Variants in DPF3 observed in about 807,000 individuals in gnomAD.
DPF3 encodes double PHD fingers 3.
DPF3 carries 18 observed loss-of-function variants against 56.8 expected under a neutral mutation model. The observed-to-expected ratio is 0.32, with a 90% CI of 0.22 to 0.47. The LOEUF (loss-of-function observed/expected upper bound fraction) is 0.47, where lower values mean the gene tolerates loss of function less well. DPF3 is among the 20% of genes least tolerant of loss of function. DPF3 has a pLI of 1.00. For missense variants in DPF3, 403 were observed against 488.8 expected (o/e 0.82, Z 1.65); for synonymous variants, 188 against 180.2 (o/e 1.04, Z -0.35).
Position 72,609,263 on chromosome 14 carries a change from A to G in DPF3, c.*10034T>C, listed in dbSNP as rs1883586709. ...CCCCACATTCTTCATCTCATCAGCG[A>G]CAGGTCTCCCTCCCAGAACCCCATC... is the stretch of plus-strand genomic sequence containing the variant. On this transcript the variant is annotated 3_prime_UTR_variant, in exon 11 of 11. Coordinates refer to ENST00000556509, the MANE Select transcript of DPF3 (RefSeq NM_001280542.3). Among the ~76,000 whole-genome samples the G allele has an allele frequency of 6.6e-6, 1 of 152,152 alleles. No individual in the cohort carries two copies. Among genetic ancestry groups the G allele is most frequent in the African/African-American group, 2.4e-5 (1 of 41,436 alleles).
At chr14:72,893,384 C>T (rs972846663) in intron 1 of DPF3, among the ~76,000 whole-genome samples, 1 of 152,192 alleles carries the variant, frequency 6.6e-6, no homozygotes, top group Non-Finnish European at 1.5e-5. Flanking sequence ...CGCTCGATCG[C>T]CCGGAGCGCC....
intron 1 of DPF3, among the ~76,000 whole-genome samples, chr14:72,781,451 G>A (rs555489527): frequency 6.6e-6 from 1 of 152,312 alleles, no homozygotes; most frequent in African/African-American, 2.4e-5. Context: ...TGACTTCGAT[G>A]TGGCTCAGTC....
intron 6 of DPF3, among the ~76,000 whole-genome samples, chr14:72,700,594 T>C (rs188412229): frequency 3.9e-5 from 6 of 152,310 alleles, no homozygotes; most frequent in Admixed American, 3.9e-4. Context: ...TCAGTAGTCA[T>C]CATCTCAGTG....
At position 72,819,835 on chromosome 14, in the gene DPF3, G is replaced by A. The variant is rs536415496; in HGVS notation, c.33-47942C>T. Among the ~76,000 whole-genome samples the A allele has an allele frequency of 2.0e-4, 30 of 152,340 alleles. No homozygotes were observed. In the East Asian group the frequency reaches 5.2e-3, roughly 26 times the overall value. ...TACCTGTGGTCCCAGCTACTAGGGAGACTGAGGTGGGAGGATCACTTGAGC... is the reference window on the plus strand; with the variant it reads ...TACCTGTGGTCCCAGCTACTAGGGAAACTGAGGTGGGAGGATCACTTGAGC... On this transcript the variant is annotated intron_variant, in intron 1 of 10. Coordinates refer to ENST00000556509, the MANE Select transcript of DPF3 (RefSeq NM_001280542.3).
intron 1 of DPF3, among the ~76,000 whole-genome samples, chr14:72,774,262 TAAAAAAAA>T (rs777564213): frequency 4.9e-5 from 3 of 61,008 alleles, no homozygotes; most frequent in South Asian, 7.9e-4. Flanking sequence ...AGACTCTGTC[TAAAAAAAA>T]AAAAAAAAAA....
At chr14:72,800,754 G>A (rs200255786) in intron 1 of DPF3, among the ~76,000 whole-genome samples, 1 of 16,952 alleles carries the variant, frequency 5.9e-5, no homozygotes, top group Non-Finnish European at 1.2e-4. Context: ...GCATGGATGG[G>A]TGCATGGGTG....
intron 6 of DPF3, among the ~76,000 whole-genome samples, chr14:72,713,321 C>T (rs1265174183): frequency 6.6e-6 from 1 of 152,230 alleles, no homozygotes; most frequent in Non-Finnish European, 1.5e-5. Flanking sequence ...AGCTGTCACC[C>T]CATTGGACAC....
chr14:72,812,946 TG>T (rs1476378910), intron 1 of DPF3, among the ~76,000 whole-genome samples: 2 of 152,008 alleles, frequency 1.3e-5, no homozygotes, highest in African/African-American at 4.8e-5. Flanking sequence ...GGAATGGGGT[TG>T]GGGGCAATGG....
chr14:72,889,155 G>A (rs1886656283), intron 1 of DPF3, among the ~76,000 whole-genome samples: 1 of 152,138 alleles, frequency 6.6e-6, no homozygotes, highest in Non-Finnish European at 1.5e-5. Flanking sequence ...CTGAATTCAA[G>A]CCCACCTTAT....
intron 1 of DPF3, among the ~76,000 whole-genome samples, chr14:72,892,983 G>T: frequency 6.7e-6 from 1 of 149,048 alleles, no homozygotes; most frequent in African/African-American, 2.5e-5. Flanking sequence ...AAGGAAGGAA[G>T]GAAGGAAGGA....
intron 8 of DPF3, among the ~76,000 whole-genome samples, chr14:72,648,843 T>TAGA (rs1262396725): frequency 1.3e-5 from 2 of 152,046 alleles, no homozygotes; most frequent in Admixed American, 1.3e-4. Flanking sequence ...GCTCCCATCT[T>TAGA]CCAAAGAGAT....
Position 72,787,451 on chromosome 14 carries a change from G to C in DPF3, c.33-15558C>G, listed in dbSNP as rs376551436. On this transcript the variant is annotated intron_variant, in intron 1 of 10. Coordinates refer to ENST00000556509, the MANE Select transcript of DPF3 (RefSeq NM_001280542.3). ...TCACATATTCCAAATGATGGAACAC[G>C]GGCAGAGCCAAATTAAGGGGTGGGG... Among the ~76,000 whole-genome samples the C allele has an allele frequency of 1.5e-3, 232 of 152,256 alleles. 2 individuals carry two copies. Among genetic ancestry groups the C allele is most frequent in the African/African-American group, 5.3e-3 (220 of 41,532 alleles).
chr14:72,842,595 T>A (rs189737838), intron 1 of DPF3, among the ~76,000 whole-genome samples: 169 of 152,274 alleles, frequency 1.1e-3, no homozygotes, highest in Admixed American at 1.8e-3. Flanking sequence ...TTCTGTGATG[T>A]TTCTTCATCT....
At chr14:72,698,334 T>C (rs1023372056) in intron 6 of DPF3, among the ~76,000 whole-genome samples, 1 of 152,202 alleles carries the variant, frequency 6.6e-6, no homozygotes, top group Non-Finnish European at 1.5e-5. Flanking sequence ...TATTCTAAAA[T>C]AGGCTTTGTG....
Position 72,771,901 on chromosome 14 carries a change from A to G in DPF3, c.33-8T>C, listed in dbSNP as rs1439526044. The G allele has an allele frequency of 6.4e-7, 1 of 1,569,876 alleles. No individual in the cohort carries two copies. Among genetic ancestry groups the G allele is most frequent in the East Asian group, 2.3e-5 (1 of 43,200 alleles). On this transcript the variant is annotated splice_polypyrimidine_tract_variant and splice_region_variant and intron_variant, in intron 1 of 10. Coordinates refer to ENST00000556509, the MANE Select transcript of DPF3 (RefSeq NM_001280542.3). ...TAGAACTGGTCCCCGAGCCTGCCAGAGTCAGAGAGTGAAGGGGTGAGGCCA... is the reference window on the plus strand; with the variant it reads ...TAGAACTGGTCCCCGAGCCTGCCAGGGTCAGAGAGTGAAGGGGTGAGGCCA...
intron 1 of DPF3, among the ~76,000 whole-genome samples, chr14:72,816,047 G>A (rs1369449220): frequency 6.6e-6 from 1 of 152,134 alleles, no homozygotes; most frequent in Non-Finnish European, 1.5e-5. Flanking sequence ...TCTTACCCAA[G>A]GTCCAGGACA....
chr14:72,807,013 A>G (rs4899445), intron 1 of DPF3: 13,198 of 152,194 alleles, frequency 0.087, 758 homozygotes, highest in South Asian at 0.19. Flanking sequence ...GTTTATTTCT[A>G]GCATGGCCCT....
At chr14:72,644,895 T>A (rs1885671671) in intron 8 of DPF3, among the ~76,000 whole-genome samples, 1 of 152,224 alleles carries the variant, frequency 6.6e-6, no homozygotes, top group African/African-American at 2.4e-5. Flanking sequence ...ATGTGGCACG[T>A]ATACCACCAT....
intron 1 of DPF3, among the ~76,000 whole-genome samples, chr14:72,838,594 C>T (rs145050633): frequency 0.011 from 1,720 of 151,994 alleles, 13 homozygotes; most frequent in African/African-American, 0.019. Context: ...CAGTAACTCA[C>T]GCCTGTAATC....
Sources: gnomAD v4.1 joint callset for allele counts (sites outside exome capture counted in the v4.1 genomes callset) on GRCh38, gnomAD v4.1.1 for gene constraint, MANE v1.5 for transcripts, NCBI Gene and HGNC (gene_info 2026-07-23, HGNC 2026-07-21) for gene names.